The following ATG10 variants were observed in gnomAD, a reference collection of about 807,000 sequenced individuals.
ATG10 encodes the protein ubiquitin-like-conjugating enzyme ATG10.
A neutral mutation model predicts 32.1 loss-of-function variants in ATG10; 30 were observed. The observed-to-expected ratio is 0.94, with a 90% CI of 0.70 to 1.27. The LOEUF (loss-of-function observed/expected upper bound fraction) is 1.27. Among genes scored for constraint, ATG10 ranks in the 50% most tolerant of loss-of-function variants. ATG10 has a pLI of 0.00. For synonymous variants in ATG10, 87 were observed against 91.5 expected, an observed-to-expected ratio of 0.95 and a Z score of 0.28; for missense variants, 233 against 262.3, an observed-to-expected ratio of 0.89 and a Z score of 0.77.
chr5:82,016,393 T>C (rs1174414171), intron 2 of ATG10, among the ~76,000 whole-genome samples: 1 of 152,182 alleles, frequency 6.6e-6, no homozygotes, highest in Non-Finnish European at 1.5e-5. Flanking sequence ...TGACTCTAAG[T>C]ATTTGGCTTT....
chr5:82,010,661 T>C (rs574220957), intron 2 of ATG10, among the ~76,000 whole-genome samples: 3 of 152,336 alleles, frequency 2.0e-5, no homozygotes, highest in Middle Eastern at 3.4e-3. Flanking sequence ...CTAGGTATAT[T>C]TTGTAACTGG....
intron 5 of ATG10, among the ~76,000 whole-genome samples, chr5:82,211,768 C>T (rs1313819266): frequency 1.3e-5 from 2 of 152,186 alleles, no homozygotes; most frequent in Non-Finnish European, 2.9e-5. Flanking sequence ...TCAACTCTAG[C>T]GTCCCCCAAC....
chr5:82,139,570 C>CT (rs1561320613), intron 3 of ATG10, among the ~76,000 whole-genome samples: 14 of 142,494 alleles, frequency 9.8e-5, no homozygotes, highest in South Asian at 2.3e-4. Context: ...TCTGCCCGGC[C>CT]GCCCCGTCTG....
intron 5 of ATG10, among the ~76,000 whole-genome samples, chr5:82,235,107 CGG>C (rs1192270067): frequency 2.0e-5 from 3 of 152,078 alleles, no homozygotes; most frequent in African/African-American, 7.2e-5. Flanking sequence ...TTTGCAGTGG[CGG>C]GGAGGGTGCT....
chr5:82,133,456 C>A (rs764019852), intron 3 of ATG10, among the ~76,000 whole-genome samples: 5 of 152,192 alleles, frequency 3.3e-5, no homozygotes, highest in Non-Finnish European at 5.9e-5. Context: ...AGCCAGTTTC[C>A]CAACACCATT....
rs1269314421 is a variant in ATG10, at chr5:82,001,775, A to G, written c.108+14097A>G. ...GCCAAAAGCAATTGCAACAAAAACA[A>G]AAATTGACAAATGGGAACTAATTAA... is the stretch of plus-strand genomic sequence containing the variant. On this transcript the variant is annotated intron_variant, in intron 2 of 7. Coordinates refer to ENST00000282185, the MANE Select transcript of ATG10 (RefSeq NM_031482.5). Among the ~76,000 whole-genome samples the G allele has an allele frequency of 2.6e-5, 4 of 152,256 alleles. No homozygotes were observed. The East Asian group carries it at 5.8e-4, about 22-fold the overall frequency.
intron 3 of ATG10, among the ~76,000 whole-genome samples, chr5:82,141,649 A>G (rs1767145512): frequency 6.6e-6 from 1 of 151,642 alleles, no homozygotes; most frequent in Non-Finnish European, 1.5e-5. Flanking sequence ...CTTACTTTAG[A>G]TAAAAAAAAA....
chr5:82,066,987 A>G (rs1763961447), intron 3 of ATG10, among the ~76,000 whole-genome samples: 2 of 152,180 alleles, frequency 1.3e-5, no homozygotes, highest in Admixed American at 1.3e-4. Flanking sequence ...TTAAAATTCC[A>G]GGAAGTCTGT....
chr5:82,021,859 T>C (rs1762448567), intron 2 of ATG10, among the ~76,000 whole-genome samples: 1 of 151,884 alleles, frequency 6.6e-6, no homozygotes, highest in Non-Finnish European at 1.5e-5. Flanking sequence ...CCAGTCTCTA[T>C]TAAAAATATA....
At chr5:82,237,027 G>A (rs952553887) in intron 5 of ATG10, among the ~76,000 whole-genome samples, 8 of 151,376 alleles carry the variant, frequency 5.3e-5, no homozygotes, top group Admixed American at 2.0e-4. Context: ...AAACTATAAA[G>A]TACGATTGCT....
chr5:82,118,552 T>G (rs1178430991), intron 3 of ATG10, among the ~76,000 whole-genome samples: 1 of 151,632 alleles, frequency 6.6e-6, no homozygotes, highest in Non-Finnish European at 1.5e-5. Flanking sequence ...TTTAATACCC[T>G]TAGCTAAGAC....
At chr5:82,183,431 A>G (rs538432697) in intron 5 of ATG10, among the ~76,000 whole-genome samples, 37 of 150,254 alleles carry the variant, frequency 2.5e-4, no homozygotes, top group Non-Finnish European at 4.3e-4. Context: ...GGTGTTTACT[A>G]TGTTCCTCCC....
At chr5:82,184,686 TAG>T (rs1385842959) in intron 5 of ATG10, among the ~76,000 whole-genome samples, 1 of 152,224 alleles carries the variant, frequency 6.6e-6, no homozygotes, top group African/African-American at 2.4e-5. Context: ...GCTGCATTAT[TAG>T]AGAGATGACT....
chr5:82,141,236 A>G (rs1303087840), intron 3 of ATG10, among the ~76,000 whole-genome samples: 1 of 151,754 alleles, frequency 6.6e-6, no homozygotes. Flanking sequence ...AATAAATTAA[A>G]AAAAAAAAAA....
At chr5:82,240,919 G>GA (rs577840807) in intron 5 of ATG10, among the ~76,000 whole-genome samples, 13 of 148,664 alleles carry the variant, frequency 8.7e-5, no homozygotes, top group East Asian at 1.9e-4. Flanking sequence ...AATCTGGAAA[G>GA]AAAAAAAAAA....
intron 3 of ATG10, among the ~76,000 whole-genome samples, chr5:82,155,325 A>G (rs1277945210): frequency 6.6e-6 from 1 of 152,194 alleles, no homozygotes; most frequent in Non-Finnish European, 1.5e-5. Flanking sequence ...AGTTCACCAA[A>G]TGGAGATACA....
At chr5:82,087,241 C>T (rs1265187696) in intron 3 of ATG10, among the ~76,000 whole-genome samples, 1 of 152,066 alleles carries the variant, frequency 6.6e-6, no homozygotes, top group Non-Finnish European at 1.5e-5. Context: ...TTTAGGAAGG[C>T]TTTGTAATAG....
intron 5 of ATG10, among the ~76,000 whole-genome samples, chr5:82,233,586 T>G (rs1010934117): frequency 2.0e-5 from 3 of 152,196 alleles, no homozygotes; most frequent in African/African-American, 7.2e-5. Flanking sequence ...TGCCAGCCCA[T>G]GGGACTATCC....
chr5:82,176,206 A>T (rs1357899029), intron 4 of ATG10, among the ~76,000 whole-genome samples: 1 of 152,100 alleles, frequency 6.6e-6, no homozygotes, highest in African/African-American at 2.4e-5. Context: ...TTTTTTCATC[A>T]TTTATCATTT....
Sources: gnomAD v4.1 joint callset for allele counts (sites outside exome capture counted in the v4.1 genomes callset) on GRCh38, gnomAD v4.1.1 for gene constraint, MANE v1.5 for transcripts, NCBI Gene and HGNC (gene_info 2026-07-23, HGNC 2026-07-21) for gene names.